The following USP7 variants were observed in gnomAD, a reference collection of about 807,000 sequenced individuals.
USP7 encodes the protein ubiquitin C-terminal hydrolase 7.
A neutral mutation model predicts 162.9 loss-of-function variants in USP7; 9 were observed. The observed-to-expected ratio is 0.06, with a 90% CI of 0.03 to 0.10. The LOEUF is 0.10. Among genes scored for constraint, USP7 ranks in the 10% least tolerant of loss-of-function variants. The pLI is 1.00. For missense variants in USP7, 715 were observed against 1,373.7 expected, an observed-to-expected ratio of 0.52 and a Z score of 7.58; for synonymous variants, 562 against 475.9, an observed-to-expected ratio of 1.18 and a Z score of -2.35.
In USP7 at chr16:8,901,332, A is replaced by C. The variant is rs558676439; in HGVS notation, c.2048-98T>G. On this transcript the variant is annotated intron_variant, in intron 18 of 30. Coordinates refer to ENST00000344836, the MANE Select transcript of USP7 (RefSeq NM_003470.3). ...CAAACAAAAAAACGAAAAAAAAAAA[A>C]CAGTAAGCTGAATAGCTCAATGACA... 1.2e-3 allele frequency: 772 copies of C among 658,990 alleles called. 6 individuals carry two copies. In the African/African-American group the frequency reaches 0.012, roughly 10 times the overall value. 40.8% of individuals were successfully genotyped at this position (658,990 alleles called of 1,614,324 possible).
chr16:8,909,179 T>TA (rs2141187370), intron 11 of USP7, among the ~76,000 whole-genome samples: 1 of 152,328 alleles, frequency 6.6e-6, no homozygotes, highest in East Asian at 1.9e-4. Flanking sequence ...GCCAGCTCTT[T>TA]GTTCCTCAGT....
At chr16:8,917,300 C>A in intron 6 of USP7, 144 bp from the exon 7 acceptor site, 1 of 971,030 alleles carries the variant, frequency 1.0e-6, no homozygotes, top group Non-Finnish European at 1.4e-6. Flanking sequence ...TTAACGATCC[C>A]CAAATTGGTG....
Position 8,893,813 on chromosome 16 carries a change from T to C in USP7, c.*185A>G. 1.7e-6 allele frequency: 1 copy of C among 583,802 alleles called. No homozygotes were observed. The highest frequency in any genetic ancestry group is 3.1e-6 in the Non-Finnish European group (1 of 325,226). The allele number at this position is 583,802 out of a possible 1,614,324, so 36.2% of individuals were successfully genotyped here. On this transcript the variant is annotated 3_prime_UTR_variant, in exon 31 of 31. Coordinates refer to ENST00000344836, the MANE Select transcript of USP7 (RefSeq NM_003470.3). ...CAAGCTTTATAAAAACATCTTCATT[T>C]TGCTCAAAAAGGGCAGTCAATAGAT...
At chr16:8,956,699 G>T (rs940755580) in intron 1 of USP7, among the ~76,000 whole-genome samples, 2 of 151,832 alleles carry the variant, frequency 1.3e-5, no homozygotes, top group Non-Finnish European at 2.9e-5. Flanking sequence ...GGGGTCAGAG[G>T]TTGCAGTGAG....
Position 8,920,419 on chromosome 16 carries a change from A to C in USP7, c.551T>G (p.Ile184Arg). ...SEVTDPEKGF[I>R]DDDKVTFEVF... ...TTCAAAGGTAACTTTGTCATCATCT[A>C]TAAATCCTTTCTCAGGATCGGTCAC... Residue 184 changes from isoleucine (I) to arginine (R), a missense_variant, in exon 5 of 31, where the codon ATA (isoleucine) becomes AGA (arginine). Transcript: ENST00000344836. 6.2e-7 allele frequency: 1 copy of C among 1,613,642 alleles called. No individual in the cohort carries two copies. Among genetic ancestry groups the C allele is most frequent in the Non-Finnish European group, 8.5e-7 (1 of 1,179,896 alleles).
In USP7 at chr16:8,910,737, C is replaced by G. The variant is rs766578819; in HGVS notation, c.1161+8G>C. On this transcript the variant is annotated splice_region_variant and intron_variant, in intron 11 of 30. Coordinates refer to ENST00000344836, the MANE Select transcript of USP7 (RefSeq NM_003470.3). ...CAACAGGACACTAGCACAAAACACT[C>G]AATTTACCTGTAAGCCATGTTCCCC... 6.2e-7 allele frequency: 1 copy of G among 1,613,584 alleles called. No homozygotes were observed. The highest frequency in any genetic ancestry group is 1.7e-4 in the Middle Eastern group (1 of 6,060).
At chr16:8,897,726 A>AAAAAAATATATATATATATAT (rs1555461671) in intron 25 of USP7, among the ~76,000 whole-genome samples, 1 of 7,138 alleles carries the variant, frequency 1.4e-4, no homozygotes, top group African/African-American at 5.6e-4. Context: ...AAAAAAAAAA[A>AAAAAAATATATATATATATAT]ATATATATAT....
At chr16:8,927,327 AAAAAG>A (rs1898065791) in intron 2 of USP7, among the ~76,000 whole-genome samples, 1 of 152,126 alleles carries the variant, frequency 6.6e-6, no homozygotes, top group South Asian at 2.1e-4. Context: ...AAAGAAAAAA[AAAAAG>A]AAAGAAAGTT....
intron 1 of USP7, among the ~76,000 whole-genome samples, chr16:8,945,517 A>G (rs1899237171): frequency 1.3e-5 from 2 of 152,236 alleles, no homozygotes; most frequent in African/African-American, 4.8e-5. Context: ...CACCTTGAAC[A>G]TTTCTGTGCA....
intron 10 of USP7, among the ~76,000 whole-genome samples, chr16:8,914,192 A>C (rs754058894): frequency 2.0e-5 from 3 of 152,110 alleles, no homozygotes; most frequent in Non-Finnish European, 2.9e-5. Flanking sequence ...AGGTAAGAAC[A>C]ACCTCACTGA....
chr16:8,899,234 C>T (rs200262999), intron 22 of USP7, 46 bp from the exon 23 acceptor site: 2 of 1,599,296 alleles, frequency 1.3e-6, no homozygotes, highest in Non-Finnish European at 1.7e-6. Context: ...AAAATTGAAA[C>T]TTGGTCATAA....
intron 7 of USP7, 144 bp downstream of exon 7, chr16:8,916,882 C>T: frequency 2.1e-6 from 2 of 969,898 alleles, no homozygotes; most frequent in South Asian, 4.3e-5. Flanking sequence ...ATGATAAAAG[C>T]ACTGACACGA....
chr16:8,903,331 A>T lies in USP7; in HGVS notation c.1776T>A (p.Thr592=). ...DMYDEEKVKY[T]VFKVLKNSSL... is the part of the protein sequence containing the mutation. ...AGGAGTTCTTCAATACTTTGAACACAGTGTATTTCACTTTTTCTTCATCGT... is the reference window on the plus strand; with the variant it reads ...AGGAGTTCTTCAATACTTTGAACACTGTGTATTTCACTTTTTCTTCATCGT... The change falls in exon 16 of 31, where the codon ACT becomes ACA. Residue 592 remains threonine, a synonymous_variant. Coordinates refer to ENST00000344836, the MANE Select transcript of USP7 (RefSeq NM_003470.3). The T allele has an allele frequency of 6.2e-7, 1 of 1,614,208 alleles. No individual in the cohort carries two copies. Among genetic ancestry groups the T allele is most frequent in the Non-Finnish European group, 8.5e-7 (1 of 1,180,030 alleles).
At chr16:8,923,603 C>T (rs1048158666) in intron 2 of USP7, among the ~76,000 whole-genome samples, 190 bp from the exon 3 acceptor site, 4 of 152,176 alleles carry the variant, frequency 2.6e-5, no homozygotes, top group African/African-American at 9.7e-5. Context: ...TGGATTAATT[C>T]TTCCTTATGA....
At chr16:8,961,492 CA>C (rs1222287661) in intron 1 of USP7, among the ~76,000 whole-genome samples, 3,127 of 48,450 alleles carry the variant, frequency 0.065, 209 homozygotes, top group African/African-American at 0.19. Flanking sequence ...AAATCCGTCT[CA>C]AAAAAAAAAA....
At chr16:8,899,370 A>G in intron 22 of USP7, 182 bp from the exon 23 acceptor site, 2 of 746,370 alleles carry the variant, frequency 2.7e-6, no homozygotes, top group Non-Finnish European at 4.3e-6. Context: ...ATATCTGATG[A>G]AGATAACTTT....
At chr16:8,908,476 T>C (rs1226301082) in intron 11 of USP7, 26 bp from the exon 12 acceptor site, 2 of 1,589,168 alleles carry the variant, frequency 1.3e-6, no homozygotes, top group African/African-American at 1.3e-5. Flanking sequence ...CAAATGCAAA[T>C]GTAGTTAGCC....
At chr16:8,902,042 T>C in intron 18 of USP7, 40 bp downstream of exon 18, 2 of 1,529,634 alleles carry the variant, frequency 1.3e-6, no homozygotes, top group Non-Finnish European at 1.8e-6. Context: ...AATCCAACGC[T>C]ACTGCTCTAA....
chr16:8,948,158 C>A (rs1899371630), intron 1 of USP7, among the ~76,000 whole-genome samples: 1 of 152,232 alleles, frequency 6.6e-6, no homozygotes, highest in African/African-American at 2.4e-5. Context: ...CCCTGCATCC[C>A]TTTCCCACAG....
Sources: gnomAD v4.1 joint callset for allele counts (sites outside exome capture counted in the v4.1 genomes callset) on GRCh38, gnomAD v4.1.1 for gene constraint, MANE v1.5 for transcripts, NCBI Gene and HGNC (gene_info 2026-07-23, HGNC 2026-07-21) for gene names.